CNOT4: variants seen among roughly 807,000 people sequenced by gnomAD.
CNOT4 encodes CCR4-NOT transcription complex subunit 4.
Under a neutral mutation model 73.8 loss-of-function variants are expected in CNOT4, and 8 were observed. The ratio of observed to expected loss-of-function variants is 0.11; its 90% CI spans 0.06 to 0.20. CNOT4 has a LOEUF of 0.20. Ranked by LOEUF, CNOT4 falls within the 10% of genes least tolerant of loss-of-function variation. CNOT4 has a pLI of 1.00. For synonymous variants in CNOT4, 293 were observed against 321.1 expected (o/e 0.91, Z 0.94); for missense variants, 564 against 883.4 (o/e 0.64, Z 4.58).
intron 8 of CNOT4, 42 bp downstream of exon 8, chr7:135,398,127 A>C (rs750452029): frequency 4.6e-6 from 5 of 1,086,390 alleles, no homozygotes; most frequent in South Asian, 2.6e-5. Context: ...TTGCTTTCGG[A>C]GTATGGCAAA....
intron 1 of CNOT4, among the ~76,000 whole-genome samples, chr7:135,465,552 A>G (rs957804700): frequency 6.6e-6 from 1 of 152,168 alleles, no homozygotes; most frequent in Non-Finnish European, 1.5e-5. Context: ...ACTTATGAAA[A>G]AAAGTTAACC....
intron 10 of CNOT4, among the ~76,000 whole-genome samples, chr7:135,383,820 T>C (rs922429755): frequency 2.0e-5 from 3 of 152,212 alleles, no homozygotes; most frequent in African/African-American, 7.2e-5. Flanking sequence ...CCCTTCCACA[T>C]CACTCACACC....
At chr7:135,365,839 T>A (rs1794884758) in intron 10 of CNOT4, among the ~76,000 whole-genome samples, 1 of 152,108 alleles carries the variant, frequency 6.6e-6, no homozygotes, top group Non-Finnish European at 1.5e-5. Context: ...AAGAATACAA[T>A]CACTAGTTTC....
chr7:135,398,243 A>C lies in CNOT4; in HGVS notation c.822-17T>G, dbSNP rs773712276. The stretch of plus-strand genomic sequence containing the variant: ...TCAATGGGGCTATAAAAAGAAAACA[A>C]ATTGAATAAAATCAGAATATAGTCA... On this transcript the variant is annotated splice_polypyrimidine_tract_variant and intron_variant, in intron 7 of 11. Transcript: ENST00000541284. The C allele has an allele frequency of 7.5e-7, 1 of 1,331,438 alleles. No homozygotes were observed. The highest frequency in any genetic ancestry group is 1.2e-5 in the South Asian group (1 of 83,334). 82.5% of individuals were successfully genotyped at this position (1,331,438 alleles called of 1,614,324 possible).
chr7:135,421,449 C>T (rs1271095169), intron 3 of CNOT4, among the ~76,000 whole-genome samples: 3 of 152,128 alleles, frequency 2.0e-5, no homozygotes, highest in Admixed American at 1.3e-4. Flanking sequence ...TAGTCAGTAT[C>T]TCATGGTATA....
chr7:135,497,840 G>A (rs1446768586), intron 1 of CNOT4, among the ~76,000 whole-genome samples: 2 of 152,122 alleles, frequency 1.3e-5, no homozygotes, highest in Non-Finnish European at 2.9e-5. Context: ...TTTCTATGTG[G>A]TCAAGTGATT....
At chr7:135,419,612 A>G (rs1439715445) in intron 3 of CNOT4, among the ~76,000 whole-genome samples, 2 of 152,160 alleles carry the variant, frequency 1.3e-5, no homozygotes, top group African/African-American at 2.4e-5. Flanking sequence ...ATATAAAACT[A>G]GTAGAGTATA....
At chr7:135,488,974 C>G (rs1453939475) in intron 1 of CNOT4, among the ~76,000 whole-genome samples, 1 of 151,818 alleles carries the variant, frequency 6.6e-6, no homozygotes, top group Non-Finnish European at 1.5e-5. Flanking sequence ...AAAGTTAGGA[C>G]TAAGAAGGAT....
chr7:135,488,063 C>T (rs966031785), intron 1 of CNOT4, among the ~76,000 whole-genome samples: 29 of 150,174 alleles, frequency 1.9e-4, no homozygotes, highest in African/African-American at 5.7e-4. Flanking sequence ...TCCGAGACTC[C>T]GTCTCAAAGA....
chr7:135,453,200 C>G (rs1159778838), intron 1 of CNOT4, among the ~76,000 whole-genome samples: 1 of 152,038 alleles, frequency 6.6e-6, no homozygotes, highest in South Asian at 2.1e-4. Context: ...CAGTATACCA[C>G]TAGTAATGGA....
At chr7:135,387,794 G>T (rs1796195549) in intron 10 of CNOT4, 1 of 980,156 alleles carries the variant, frequency 1.0e-6, no homozygotes, top group Non-Finnish European at 1.2e-6. Context: ...TCCTAATAAA[G>T]TACTCCACTA....
At chr7:135,457,819 A>C (rs1467553472) in intron 1 of CNOT4, among the ~76,000 whole-genome samples, 1 of 152,120 alleles carries the variant, frequency 6.6e-6, no homozygotes, top group Non-Finnish European at 1.5e-5. Context: ...ACCTATACAG[A>C]TATCAAGAGC....
chr7:135,456,404 A>C (rs1800531706), intron 1 of CNOT4, among the ~76,000 whole-genome samples: 1 of 152,060 alleles, frequency 6.6e-6, no homozygotes, highest in South Asian at 2.1e-4. Flanking sequence ...GACCTCTTTC[A>C]AATCTTTTTA....
intron 2 of CNOT4, among the ~76,000 whole-genome samples, chr7:135,423,875 T>C (rs1432276912): frequency 3.3e-5 from 5 of 152,284 alleles, no homozygotes; most frequent in East Asian, 3.9e-4. Flanking sequence ...GTAATTTACC[T>C]GATTTTGGTA....
chr7:135,391,683 A>G (rs1796409964), intron 10 of CNOT4, among the ~76,000 whole-genome samples: 1 of 152,104 alleles, frequency 6.6e-6, no homozygotes, highest in Admixed American at 6.6e-5. Context: ...TGACTAACAC[A>G]AGGACAACTA....
chr7:135,460,480 G>A (rs1417426489), intron 1 of CNOT4, among the ~76,000 whole-genome samples: 1 of 152,130 alleles, frequency 6.6e-6, no homozygotes, highest in East Asian at 1.9e-4. Flanking sequence ...CCCAGAGGGA[G>A]ACAGACAGAG....
chr7:135,416,081 C>T (rs6955732), intron 3 of CNOT4, among the ~76,000 whole-genome samples: 5,329 of 152,164 alleles, frequency 0.035, 319 homozygotes, highest in African/African-American at 0.12. Context: ...TTGCAACTAC[C>T]TCAAAATTCT....
intron 1 of CNOT4, among the ~76,000 whole-genome samples, chr7:135,486,849 G>A (rs1299810249): frequency 1.3e-5 from 2 of 152,050 alleles, no homozygotes; most frequent in African/African-American, 4.8e-5. Flanking sequence ...TTAAAGAAAT[G>A]TTTATGAATC....
In CNOT4 at chr7:135,395,894, A is replaced by T. The variant is rs1378217595; in HGVS notation, c.880-11T>A. On this transcript the variant is annotated splice_polypyrimidine_tract_variant and intron_variant, in intron 8 of 11. Coordinates refer to ENST00000541284, the MANE Select transcript of CNOT4 (RefSeq NM_001190850.2). ...ATCACTGTTAGATATCTGAATAAAAAAGGAAAACAAATAATAACTACATGT... is the reference window on the plus strand; with the variant it reads ...ATCACTGTTAGATATCTGAATAAAATAGGAAAACAAATAATAACTACATGT... The T allele has an allele frequency of 1.3e-6, 2 of 1,581,788 alleles. No individual in the cohort carries two copies. Among genetic ancestry groups the T allele is most frequent in the Admixed American group, 3.4e-5 (2 of 59,414 alleles).
Sources: allele counts gnomAD v4.1 joint callset (sites outside exome capture counted in the v4.1 genomes callset), GRCh38; gene constraint gnomAD v4.1.1; transcripts MANE v1.5; gene names NCBI Gene and HGNC (gene_info 2026-07-23, HGNC 2026-07-21).